DDHD1: variants seen among roughly 807,000 people sequenced by gnomAD.
DDHD1 encodes the protein phospholipase DDHD1.
A neutral mutation model predicts 96.4 loss-of-function variants in DDHD1; 49 were observed. The ratio of observed to expected loss-of-function variants is 0.51; its 90% confidence interval spans 0.40 to 0.64. The LOEUF (loss-of-function observed/expected upper bound fraction) is 0.64. Among genes scored for constraint, DDHD1 ranks in the 30% least tolerant of loss-of-function variants. DDHD1 has a pLI of 0.00. For missense variants in DDHD1, 1,106 were observed against 1,161.2 expected (o/e 0.95, Z 0.69); for synonymous variants, 442 against 446.5 (o/e 0.99, Z 0.13).
At position 53,044,905 on chromosome 14, in the gene DDHD1, C is replaced by A. The variant is rs1328410136; in HGVS notation, c.*1863G>T. The stretch of plus-strand genomic sequence containing the variant: ...CTGACCAACTTTGCTCCCAGTTTGA[C>A]AATGATTATTGGGAAGCTAAGCAAT... On this transcript the variant is annotated 3_prime_UTR_variant, in exon 13 of 13. Coordinates refer to ENST00000673822, the MANE Select transcript of DDHD1 (RefSeq NM_001160148.2). 1 of 152,134 alleles carries A rather than the reference C, an allele frequency of 6.6e-6. No homozygotes were observed. Among genetic ancestry groups the A allele is most frequent in the Admixed American group, 6.5e-5 (1 of 15,272 alleles). The allele number at this position is 152,134 out of a possible 1,614,324, so 9.4% of individuals were successfully genotyped here. A position where few individuals can be genotyped will look rare whatever the true frequency, so the allele number is the denominator to read the frequency against.
At chr14:53,111,881 G>T (rs1313316686) in intron 1 of DDHD1, among the ~76,000 whole-genome samples, 1 of 152,100 alleles carries the variant, frequency 6.6e-6, no homozygotes, top group Non-Finnish European at 1.5e-5. Flanking sequence ...CTGTCCAATT[G>T]AAAGCACAGA....
At chr14:53,136,244 C>T (rs972207679) in intron 1 of DDHD1, among the ~76,000 whole-genome samples, 10 of 152,172 alleles carry the variant, frequency 6.6e-5, no homozygotes, top group African/African-American at 2.2e-4. Flanking sequence ...GGACTCAGCC[C>T]GCCTGCACCC....
intron 1 of DDHD1, among the ~76,000 whole-genome samples, chr14:53,147,711 G>T (rs1478937275): frequency 6.6e-6 from 1 of 152,164 alleles, no homozygotes; most frequent in Non-Finnish European, 1.5e-5. Flanking sequence ...AGCAGTCAGG[G>T]TTCCAATGCA....
rs775355832 is a variant in DDHD1, at chr14:53,055,701, T to C, written c.2204A>G (p.Tyr735Cys). The C allele has an allele frequency of 4.3e-6, 7 of 1,614,096 alleles. No homozygotes were observed. The highest frequency in any genetic ancestry group is 5.9e-6 in the Non-Finnish European group (7 of 1,179,966). ...VTSPVLSRRHYGESITNIGKA... is the reference protein window; with the variant it reads ...VTSPVLSRRHCGESITNIGKA... The stretch of plus-strand genomic sequence containing the variant: ...GCCTATATTTGTTATAGATTCTCCA[T>C]AGTGTCGGCGGGACAAAACTGGTGA... The change falls in exon 10 of 13, where the codon TAT becomes TGT. Residue 735 changes from tyrosine to cysteine, a missense_variant. This residue lies in a region of DDHD1 where 650 missense variants were observed against 758.8 expected (regional missense o/e 0.86). Coordinates refer to ENST00000673822, the MANE Select transcript of DDHD1 (RefSeq NM_001160148.2).
intron 2 of DDHD1, among the ~76,000 whole-genome samples, chr14:53,098,875 T>G (rs1043925918): frequency 6.6e-6 from 1 of 152,112 alleles, no homozygotes; most frequent in East Asian, 1.9e-4. Context: ...ATCTTTTACT[T>G]TCAATTTATC....
chr14:53,052,075 G>C (rs762697806), intron 11 of DDHD1, 148 bp from the exon 12 acceptor site: 46 of 597,436 alleles, frequency 7.7e-5, no homozygotes, highest in Non-Finnish European at 1.2e-4. Flanking sequence ...CTTAATTTTT[G>C]TAAGGAGCTC....
At chr14:53,083,728 A>G (rs1885693756) in intron 4 of DDHD1, among the ~76,000 whole-genome samples, 1 of 152,226 alleles carries the variant, frequency 6.6e-6, no homozygotes, top group African/African-American at 2.4e-5. Context: ...TGAACTTAGG[A>G]ATGACAGCAA....
rs998921024 is a variant in DDHD1, at chr14:53,037,078, C to G, written c.*9690G>C. 2.0e-5 allele frequency: 3 copies of G among 152,090 alleles called. No individual in the cohort carries two copies. Among genetic ancestry groups the G allele is most frequent in the Non-Finnish European group, 4.4e-5 (3 of 67,992 alleles). The allele number at this position is 152,090 out of a possible 1,614,324, so 9.4% of individuals were successfully genotyped here. On this transcript the variant is annotated 3_prime_UTR_variant, in exon 13 of 13. Transcript: ENST00000673822. Reference sequence around the variant, plus strand: ...CTTAGATTATGGCTTCCAGCTGTATCCATGTGGCTGGCTGCAAAGGACATG... The same window carrying G: ...CTTAGATTATGGCTTCCAGCTGTATGCATGTGGCTGGCTGCAAAGGACATG...
rs186995966 is a variant in DDHD1, at chr14:53,106,692, A to G, written c.839-2836T>C. ...TCTTAAGGAATCTGATGTCAGCCTG[A>G]TTTTATTAATAATATAATCTTTTTT... On this transcript the variant is annotated intron_variant, in intron 1 of 12. Transcript: ENST00000673822. Among the ~76,000 whole-genome samples, 17 of 152,236 alleles carry G rather than the reference A, an allele frequency of 1.1e-4. No homozygotes were observed. The East Asian group carries it at 1.9e-3, about 17-fold the overall frequency.
intron 6 of DDHD1, among the ~76,000 whole-genome samples, chr14:53,067,317 C>G (rs371013032): frequency 8.6e-5 from 13 of 151,952 alleles, no homozygotes; most frequent in Non-Finnish European, 1.8e-4. Flanking sequence ...TGTCACCATG[C>G]CTGGCTAATT....
At chr14:53,059,513 G>A (rs144567356) in intron 8 of DDHD1, among the ~76,000 whole-genome samples, 1 of 151,004 alleles carries the variant, frequency 6.6e-6, no homozygotes, top group African/African-American at 2.4e-5. Flanking sequence ...CCAAAGTGCT[G>A]GGATTACAGG....
chr14:53,069,219 T>C (rs1440753396), intron 6 of DDHD1, among the ~76,000 whole-genome samples: 2 of 152,140 alleles, frequency 1.3e-5, no homozygotes, highest in Admixed American at 1.3e-4. Flanking sequence ...AACCCTGGTT[T>C]TCCTCAGTGG....
At chr14:53,097,499 G>A (rs1886975279) in intron 2 of DDHD1, among the ~76,000 whole-genome samples, 1 of 151,888 alleles carries the variant, frequency 6.6e-6, no homozygotes, top group South Asian at 2.1e-4. Context: ...GTGCCTTCTG[G>A]TCAGTTACTG....
intron 2 of DDHD1, among the ~76,000 whole-genome samples, chr14:53,102,826 C>A (rs942852129): frequency 1.3e-5 from 2 of 151,614 alleles, no homozygotes; most frequent in Admixed American, 6.6e-5. Flanking sequence ...TTCTGTAAAT[C>A]ACCTGATCAA....
intron 1 of DDHD1, among the ~76,000 whole-genome samples, chr14:53,143,163 G>A (rs1222730253): frequency 6.6e-6 from 1 of 152,214 alleles, no homozygotes; most frequent in Non-Finnish European, 1.5e-5. Context: ...GGGGCACAGT[G>A]TACAGCAGAG....
chr14:53,134,899 C>T (rs1277619466), intron 1 of DDHD1, among the ~76,000 whole-genome samples: 1 of 152,144 alleles, frequency 6.6e-6, no homozygotes, highest in Non-Finnish European at 1.5e-5. Flanking sequence ...TTCTATATAA[C>T]AAATGTTCCT....
At chr14:53,048,584 C>G (rs910905489) in intron 12 of DDHD1, 1 of 152,078 alleles carries the variant, frequency 6.6e-6, no homozygotes, top group Non-Finnish European at 1.5e-5. Flanking sequence ...TGTGATCCAC[C>G]CACCTCAGCC....
chr14:53,140,975 G>A (rs1890603683), intron 1 of DDHD1, among the ~76,000 whole-genome samples: 1 of 152,048 alleles, frequency 6.6e-6, no homozygotes, highest in Non-Finnish European at 1.5e-5. Flanking sequence ...AGATAAAGGG[G>A]GATATTTCAA....
intron 4 of DDHD1, among the ~76,000 whole-genome samples, chr14:53,082,663 A>G (rs1885589818): frequency 1.3e-5 from 2 of 151,312 alleles, no homozygotes; most frequent in South Asian, 4.2e-4. Flanking sequence ...GAAGGCTGAG[A>G]TAGGAGAATT....
Sources: allele counts gnomAD v4.1 joint callset (sites outside exome capture counted in the v4.1 genomes callset), GRCh38; gene constraint gnomAD v4.1.1; regional missense constraint gnomAD v4.1.1; transcripts MANE v1.5; gene names NCBI Gene and HGNC (gene_info 2026-07-23, HGNC 2026-07-21).